Variants in DNAJB1 observed in about 807,000 individuals in gnomAD.
The protein encoded by DNAJB1 is DnaJ heat shock protein family (Hsp40) member B1.
Under a neutral mutation model 24.0 loss-of-function variants are expected in DNAJB1, and 14 were observed. The ratio of observed to expected loss-of-function variants is 0.58; its 90% CI spans 0.39 to 0.91. The LOEUF is 0.91. DNAJB1 is among the 40% of genes least tolerant of loss of function. The pLI is 0.00. For missense variants in DNAJB1, 517 were observed against 458.1 expected (o/e 1.13, Z -1.17); for synonymous variants, 262 against 174.4 (o/e 1.50, Z -3.96).
At chr19:14,536,923 C>G (rs4926126) in intron 1 of DNAJB1, among the ~76,000 whole-genome samples, 31,006 of 145,836 alleles carry the variant, frequency 0.21, 3,581 homozygotes, top group South Asian at 0.4. Context: ...CGGCCCTACT[C>G]ACCTCTGGAC....
upstream of DNAJB1, chr19:14,530,447 T>C (rs1177813674): frequency 6.6e-6 from 1 of 152,256 alleles, no homozygotes; most frequent in Non-Finnish European, 1.5e-5. Context: ...CCCTGAATTA[T>C]TGCTGACTTT....
At chr19:14,537,252 TGGGGGAGGCGGGACCAGGGA>T (rs1202585843) in intron 1 of DNAJB1, among the ~76,000 whole-genome samples, 109 of 10,572 alleles carry the variant, frequency 0.01, no homozygotes, top group African/African-American at 0.026. Context: ...CGGGCCTGGA[TGGGGGAGGCGGGACCAGGGA>T]GGGGGAGGCG....
Position 14,515,361 on chromosome 19 carries a change from G to GCCA in DNAJB1, c.*578_*579insTGG, listed in dbSNP as rs2072236906. On this transcript the variant is annotated 3_prime_UTR_variant, in exon 3 of 3. Coordinates refer to ENST00000254322, the MANE Select transcript of DNAJB1 (RefSeq NM_006145.3). ...TCACTCACTGGAGGCTGGCTCCCTT[G>GCCA]GTCCTGCTGGAACGAGAGGTATTGC... 2.6e-5 allele frequency: 4 copies of GCCA among 152,936 alleles called. No homozygotes were observed. Among genetic ancestry groups the GCCA allele is most frequent in the Admixed American group, 6.6e-5 (1 of 15,262 alleles). 9.5% of individuals were successfully genotyped at this position (152,936 alleles called of 1,614,324 possible).
At chr19:14,520,706 T>C (rs2072350076), upstream of DNAJB1, among the ~76,000 whole-genome samples, 1 of 152,104 alleles carries the variant, frequency 6.6e-6, no homozygotes, top group African/African-American at 2.4e-5. Flanking sequence ...AAAAAGTTAC[T>C]AGGCTGGGCA....
intron 1 of DNAJB1, among the ~76,000 whole-genome samples, chr19:14,543,559 C>T (rs1347735777): frequency 1.4e-5 from 2 of 144,924 alleles, no homozygotes; most frequent in African/African-American, 5.1e-5. Context: ...CTGCCTCAGC[C>T]TCCCGAGTAG....
chr19:14,516,242 G>A (rs1200884053), intron 2 of DNAJB1, 72 bp from the exon 3 acceptor site: 19 of 1,529,126 alleles, frequency 1.2e-5, no homozygotes, highest in Non-Finnish European at 1.7e-5. Context: ...GAGGCCGTCT[G>A]CCATAGATAA....
At chr19:14,550,049 A>G (rs76554304) in intron 1 of DNAJB1, among the ~76,000 whole-genome samples, 3,517 of 152,060 alleles carry the variant, frequency 0.023, 122 homozygotes, top group African/African-American at 0.08. Context: ...ACCTTTGAAC[A>G]TATTACATAT....
upstream of DNAJB1, chr19:14,529,601 C>G (rs530079728): frequency 1.3e-6 from 2 of 1,588,356 alleles, no homozygotes; most frequent in Admixed American, 1.7e-5. Flanking sequence ...CGCGTTTAGT[C>G]TATCGCTGCG....
chr19:14,535,576 ATATATATATATATGTATGTATATATAAAT>A (rs2072864781), intron 1 of DNAJB1, among the ~76,000 whole-genome samples: 1 of 39,886 alleles, frequency 2.5e-5, no homozygotes, highest in Admixed American at 2.7e-4. Flanking sequence ...ATATATATAT[ATATATATATATATGTATGTATATATAAAT>A]TAGCCAGGCA....
intron 1 of DNAJB1, among the ~76,000 whole-genome samples, chr19:14,539,664 G>A (rs943136960): frequency 2.6e-5 from 4 of 152,006 alleles, no homozygotes; most frequent in South Asian, 4.1e-4. Flanking sequence ...CCAAAACCAC[G>A]TTCCTGCCCT....
At chr19:14,530,567 T>C (rs1051166426), upstream of DNAJB1, 2 of 152,176 alleles carry the variant, frequency 1.3e-5, no homozygotes, top group Admixed American at 6.6e-5. Context: ...TAAGAACTAT[T>C]ATTATTCCTG....
At chr19:14,518,029 G>A in intron 1 of DNAJB1, 110 bp downstream of exon 1, 2 of 1,209,400 alleles carry the variant, frequency 1.7e-6, no homozygotes, top group Non-Finnish European at 2.2e-6. Flanking sequence ...GGGCAGCTCG[G>A]CCCCACGGCC....
chr19:14,546,530 T>C (rs2073312369), intron 1 of DNAJB1, among the ~76,000 whole-genome samples: 1 of 152,182 alleles, frequency 6.6e-6, no homozygotes, highest in African/African-American at 2.4e-5. Flanking sequence ...GAGGTTGTAG[T>C]GAGCAACCTC....
At chr19:14,535,756 CAAAAAAAAAA>C (rs1161257175) in intron 1 of DNAJB1, among the ~76,000 whole-genome samples, 1 of 51,944 alleles carries the variant, frequency 1.9e-5, no homozygotes, top group Non-Finnish European at 3.3e-5. Context: ...GACTCTGTCT[CAAAAAAAAAA>C]AAAAAAAAAA....
chr19:14,527,234 T>G (rs2072444860), intron 2 of DNAJB1: 1 of 125,500 alleles, frequency 8.0e-6, no homozygotes, highest in Non-Finnish European at 1.6e-5. Context: ...CAGGCTGGAG[T>G]GCAGTGGTGT....
chr19:14,518,011 G>A, intron 1 of DNAJB1, 128 bp downstream of exon 1: 1 of 1,051,910 alleles, frequency 9.5e-7, no homozygotes, highest in East Asian at 3.2e-5. Context: ...CCGCGAGGCC[G>A]GAGGGCGGGG....
chr19:14,520,096 A>G (rs146491044), upstream of DNAJB1, among the ~76,000 whole-genome samples: 134 of 152,300 alleles, frequency 8.8e-4, 2 homozygotes, highest in African/African-American at 3.1e-3. Flanking sequence ...CATCTGCACA[A>G]TGAGGAATGA....
upstream of DNAJB1, chr19:14,518,551 G>GCCGTCAA (rs2146525352): frequency 2.6e-6 from 1 of 388,886 alleles, no homozygotes; most frequent in East Asian, 3.9e-5. Flanking sequence ...GCGGGGCCTC[G>GCCGTCAA]CCGTCAACGG....
At chr19:14,532,320 C>CG (rs1414704550), upstream of DNAJB1, 1 of 151,496 alleles carries the variant, frequency 6.6e-6, no homozygotes, top group Non-Finnish European at 1.5e-5. Context: ...CTGAGGTGGC[C>CG]GGATCGCTTG....
Sources: allele counts gnomAD v4.1 joint callset (sites outside exome capture counted in the v4.1 genomes callset), GRCh38; gene constraint gnomAD v4.1.1; transcripts MANE v1.5; gene names NCBI Gene and HGNC (gene_info 2026-07-23, HGNC 2026-07-21).